Variants in COL23A1 observed in about 807,000 individuals in gnomAD.
COL23A1 encodes collagen type XXIII alpha 1 chain.
Under a neutral mutation model 99.3 loss-of-function variants are expected in COL23A1, and 97 were observed. That is an observed-to-expected ratio of 0.98 (90% CI 0.83 to 1.16). COL23A1 has a LOEUF of 1.16. COL23A1 is among the 50% of genes most tolerant of loss of function. The pLI, the probability that COL23A1 is intolerant of heterozygous loss-of-function variation, is 0.00. For synonymous variants in COL23A1, 320 were observed against 308.2 expected, an observed-to-expected ratio of 1.04 and a Z score of -0.40; for missense variants, 762 against 757.4, an observed-to-expected ratio of 1.01 and a Z score of -0.07.
At chr5:178,330,382 C>T (rs925006029) in intron 2 of COL23A1, among the ~76,000 whole-genome samples, 7 of 152,174 alleles carry the variant, frequency 4.6e-5, no homozygotes, top group Admixed American at 2.0e-4. Context: ...TATGGCTGAG[C>T]GCTGTGGCCC....
chr5:178,250,388 G>A (rs1764971295), intron 17 of COL23A1, among the ~76,000 whole-genome samples: 1 of 152,188 alleles, frequency 6.6e-6, no homozygotes, highest in African/African-American at 2.4e-5. Context: ...CAACGATGCC[G>A]GGACCAGATC....
intron 2 of COL23A1, among the ~76,000 whole-genome samples, chr5:178,436,120 T>G (rs1409668123): frequency 6.6e-6 from 1 of 151,574 alleles, no homozygotes; most frequent in African/African-American, 2.4e-5. Context: ...ACAGGCTGAG[T>G]GGGAGGGGAG....
intron 2 of COL23A1, among the ~76,000 whole-genome samples, chr5:178,455,823 C>T (rs1326843479): frequency 2.0e-5 from 3 of 152,084 alleles, no homozygotes; most frequent in Non-Finnish European, 4.4e-5. Flanking sequence ...CTCGCCCGCC[C>T]ATCAGGAGGA....
At chr5:178,368,592 A>C (rs1762623249) in intron 2 of COL23A1, among the ~76,000 whole-genome samples, 2 of 152,192 alleles carry the variant, frequency 1.3e-5, no homozygotes, top group Admixed American at 1.3e-4. Flanking sequence ...AGCTCCATCC[A>C]TATACCTCTC....
rs1038654501 is a variant in COL23A1, at chr5:178,415,948, T to A, written c.362-109029A>T. ...CAGAGAGAGCTTTCAGGAGGTGAAGTCAGAGCTGGGCCCTGAAGGATGGGA... is the reference window on the plus strand; with the variant it reads ...CAGAGAGAGCTTTCAGGAGGTGAAGACAGAGCTGGGCCCTGAAGGATGGGA... On this transcript the variant is annotated intron_variant, in intron 2 of 28. Transcript: ENST00000390654. This position sits in a 1 kb window ranked among gnomAD's most constrained non-coding sequence, Gnocchi z 4.6. 2.0e-5 allele frequency among the ~76,000 whole-genome samples: 3 copies of A among 151,694 alleles called. No homozygotes were observed. Among genetic ancestry groups the A allele is most frequent in the African/African-American group, 7.3e-5 (3 of 41,264 alleles).
chr5:178,332,753 C>T (rs1040521288), intron 2 of COL23A1, among the ~76,000 whole-genome samples: 12 of 151,796 alleles, frequency 7.9e-5, no homozygotes, highest in Non-Finnish European at 7.4e-5. Context: ...AAATGGTGAT[C>T]GACGCTCGAC....
intron 2 of COL23A1, among the ~76,000 whole-genome samples, chr5:178,514,203 C>T (rs964150610): frequency 1.3e-5 from 2 of 152,200 alleles, no homozygotes; most frequent in Non-Finnish European, 2.9e-5. Context: ...AGCATGATGT[C>T]CTCAAGGTCC....
At chr5:178,474,385 T>A (rs1167516287) in intron 2 of COL23A1, among the ~76,000 whole-genome samples, 2 of 152,232 alleles carry the variant, frequency 1.3e-5, no homozygotes, top group Non-Finnish European at 2.9e-5. Context: ...GTGGGCTACA[T>A]ATAAAATAAA....
chr5:178,525,719 G>A (rs543904284), intron 2 of COL23A1, among the ~76,000 whole-genome samples: 5 of 143,308 alleles, frequency 3.5e-5, no homozygotes, highest in Admixed American at 7.2e-5. Flanking sequence ...GCGACACAGC[G>A]CGCAGACCCC....
At chr5:178,330,173 C>T (rs1394856078) in intron 2 of COL23A1, among the ~76,000 whole-genome samples, 1 of 152,184 alleles carries the variant, frequency 6.6e-6, no homozygotes, top group Non-Finnish European at 1.5e-5. Context: ...GGGACTGCTG[C>T]CCTCCCTGCA....
chr5:178,418,029 T>G (rs1185218041), intron 2 of COL23A1, among the ~76,000 whole-genome samples: 1 of 152,268 alleles, frequency 6.6e-6, no homozygotes, highest in African/African-American at 2.4e-5. Flanking sequence ...TGAGTGGGGC[T>G]GCAGAAGTCA....
At chr5:178,436,594 G>C (rs1261379158) in intron 2 of COL23A1, among the ~76,000 whole-genome samples, 2 of 152,208 alleles carry the variant, frequency 1.3e-5, no homozygotes, top group Non-Finnish European at 2.9e-5. Flanking sequence ...CTCGGAACAA[G>C]AGCTCCAGAA....
chr5:178,486,532 T>C (rs1757639582), intron 2 of COL23A1, among the ~76,000 whole-genome samples: 1 of 138,914 alleles, frequency 7.2e-6, no homozygotes, highest in Non-Finnish European at 1.5e-5. Context: ...AAAAGGAAAC[T>C]GGGAGGGTTG....
chr5:178,369,213 G>T (rs754450168), intron 2 of COL23A1, among the ~76,000 whole-genome samples: 1 of 152,164 alleles, frequency 6.6e-6, no homozygotes, highest in South Asian at 2.1e-4. Flanking sequence ...TCCTGTCCAG[G>T]GGAGACGAAC....
chr5:178,298,709 C>T (rs969833085), intron 3 of COL23A1, among the ~76,000 whole-genome samples: 1 of 152,172 alleles, frequency 6.6e-6, no homozygotes, highest in African/African-American at 2.4e-5. Context: ...AAGCATGAAC[C>T]CATCCCCAGA....
chr5:178,555,651 G>A (rs1762231768), intron 2 of COL23A1, among the ~76,000 whole-genome samples: 1 of 152,206 alleles, frequency 6.6e-6, no homozygotes, highest in African/African-American at 2.4e-5. Context: ...AACCCAAAGA[G>A]TGAGTGAATG....
At chr5:178,545,039 T>A (rs1761505369) in intron 2 of COL23A1, among the ~76,000 whole-genome samples, 1 of 152,136 alleles carries the variant, frequency 6.6e-6, no homozygotes, top group Non-Finnish European at 1.5e-5. Flanking sequence ...CAGTGAGCCG[T>A]GATCATTGCA....
chr5:178,470,701 C>T (rs776600125), intron 2 of COL23A1, among the ~76,000 whole-genome samples: 4 of 152,194 alleles, frequency 2.6e-5, no homozygotes, highest in Non-Finnish European at 5.9e-5. Flanking sequence ...CTGGAAATCC[C>T]GAAATTTCCC....
intron 16 of COL23A1, 78 bp from the exon 17 acceptor site, chr5:178,252,675 G>A: frequency 2.3e-6 from 3 of 1,313,436 alleles, no homozygotes; most frequent in Non-Finnish European, 3.2e-6. Flanking sequence ...CTCCCCACCT[G>A]GAATCAAGTC....
Sources: allele counts gnomAD v4.1 joint callset (sites outside exome capture counted in the v4.1 genomes callset), GRCh38; gene constraint gnomAD v4.1.1; non-coding constraint Gnocchi (gnomAD v3.1); transcripts MANE v1.5; gene names NCBI Gene and HGNC (gene_info 2026-07-23, HGNC 2026-07-21).